Variants in BBX observed in about 807,000 individuals in gnomAD.
BBX encodes HMG box transcription factor BBX.
In BBX, 30 loss-of-function variants were observed where a neutral mutation model predicts 100.2. That is an observed-to-expected ratio of 0.30 (90% CI 0.22 to 0.41). The LOEUF is 0.41. Among genes scored for constraint, BBX ranks in the 10% least tolerant of loss-of-function variants. The pLI is 1.00. For synonymous variants in BBX, 376 were observed against 388.1 expected (o/e 0.97, Z 0.37); for missense variants, 1,023 against 1,129.8 (o/e 0.91, Z 1.35).
At chr3:107,670,107 A>G (rs1205748527) in intron 3 of BBX, among the ~76,000 whole-genome samples, 1 of 152,142 alleles carries the variant, frequency 6.6e-6, no homozygotes, top group East Asian at 1.9e-4. Flanking sequence ...ATTAGATTTA[A>G]CTATTTCTTA....
At position 107,795,519 on chromosome 3, in the gene BBX, C is replaced by A. The variant is rs79395584; in HGVS notation, c.2354-3004C>A. 5.3e-5 allele frequency among the ~76,000 whole-genome samples: 8 copies of A among 150,930 alleles called. No homozygotes were observed. In the East Asian group the frequency reaches 1.4e-3, roughly 26 times the overall value. The stretch of plus-strand genomic sequence containing the variant: ...AATGTGCATCATCTGCAGGGCCCAT[C>A]ATTGCATTTTGATGTAATAGTAGGT... On this transcript the variant is annotated intron_variant, in intron 15 of 17. Transcript: ENST00000325805.
intron 7 of BBX, among the ~76,000 whole-genome samples, chr3:107,737,999 G>A (rs1398429359): frequency 1.4e-5 from 2 of 138,804 alleles, no homozygotes; most frequent in Non-Finnish European, 1.5e-5. Flanking sequence ...TTTCCCTTTA[G>A]CATTATGTTG....
chr3:107,788,278 GAGAAGAGAAA>G (rs1022660251), intron 13 of BBX, among the ~76,000 whole-genome samples: 1 of 152,148 alleles, frequency 6.6e-6, no homozygotes, highest in African/African-American at 2.4e-5. Context: ...ATCAGTGATG[GAGAAGAGAAA>G]AGAAGAGAAG....
intron 3 of BBX, among the ~76,000 whole-genome samples, chr3:107,701,780 A>G (rs143805664): frequency 6.6e-6 from 1 of 151,562 alleles, no homozygotes; most frequent in Admixed American, 6.6e-5. Context: ...TAAAGGAAGC[A>G]AAATATGTTA....
intron 5 of BBX, among the ~76,000 whole-genome samples, chr3:107,727,398 A>G (rs929455348): frequency 1.3e-5 from 2 of 152,112 alleles, no homozygotes; most frequent in African/African-American, 2.4e-5. Flanking sequence ...TGTCTCTTGT[A>G]TCACAGTTGA....
At chr3:107,781,197 AGTC>A (rs967252145) in intron 13 of BBX, among the ~76,000 whole-genome samples, 1 of 152,008 alleles carries the variant, frequency 6.6e-6, no homozygotes, top group Non-Finnish European at 1.5e-5. Context: ...TTTTCCCAGT[AGTC>A]TCCATATTCG....
chr3:107,669,517 G>A lies in BBX; in HGVS notation c.-10+23608G>A, dbSNP rs188532115. Among the ~76,000 whole-genome samples the A allele has an allele frequency of 2.5e-4, 38 of 152,176 alleles. 1 individual carries two copies. The East Asian group carries it at 5.4e-3, about 22-fold the overall frequency. ...TACCAAACTAAGGAATTAAATTCTA[G>A]GAGTAGACCGTAAAGGGCCACTAAA... On this transcript the variant is annotated intron_variant, in intron 3 of 17. Coordinates refer to ENST00000325805, the MANE Select transcript of BBX (RefSeq NM_001142568.3).
intron 3 of BBX, among the ~76,000 whole-genome samples, chr3:107,666,647 C>T (rs1465740452): frequency 1.3e-5 from 2 of 152,160 alleles, no homozygotes; most frequent in East Asian, 3.9e-4. Flanking sequence ...CTCACTGCAA[C>T]CTCTGCCTCC....
At position 107,805,294 on chromosome 3, in the gene BBX, C is replaced by T. The variant is rs145779521; in HGVS notation, c.2739-76C>T. The T allele has an allele frequency of 1.7e-3, 2,395 of 1,423,202 alleles. 21 individuals carry two copies. Among genetic ancestry groups the T allele is most frequent in the East Asian group, 0.016 (686 of 43,334 alleles). 88.2% of individuals were successfully genotyped at this position (1,423,202 alleles called of 1,614,324 possible). On this transcript the variant is annotated intron_variant, in intron 17 of 17. Transcript: ENST00000325805. ...CTGTTAAACAAGATATTGGAACACA[C>T]TTGTTATTCATCGTCCTCTCCTGTC...
At chr3:107,592,017 T>G (rs1486947161) in intron 2 of BBX, among the ~76,000 whole-genome samples, 1 of 152,214 alleles carries the variant, frequency 6.6e-6, no homozygotes, top group Non-Finnish European at 1.5e-5. Context: ...TTGAATATTT[T>G]TGGCATTGTA....
At chr3:107,627,277 T>C (rs1172614007) in intron 2 of BBX, among the ~76,000 whole-genome samples, 1 of 152,204 alleles carries the variant, frequency 6.6e-6, no homozygotes, top group African/African-American at 2.4e-5. Context: ...GTGTGTTTCC[T>C]ATTGATGGTA....
At chr3:107,673,293 G>A (rs1350208848) in intron 3 of BBX, among the ~76,000 whole-genome samples, 4 of 152,058 alleles carry the variant, frequency 2.6e-5, no homozygotes, top group Admixed American at 6.6e-5. Flanking sequence ...TTTATGGGGT[G>A]TAATGACAAT....
chr3:107,752,261 A>T (rs879804941), intron 9 of BBX, among the ~76,000 whole-genome samples: 7 of 152,236 alleles, frequency 4.6e-5, no homozygotes, highest in Non-Finnish European at 8.8e-5. Flanking sequence ...CAATAGGTAC[A>T]AATTTAATGC....
chr3:107,605,610 C>G (rs781645294), intron 2 of BBX, among the ~76,000 whole-genome samples: 3 of 152,168 alleles, frequency 2.0e-5, no homozygotes, highest in Non-Finnish European at 2.9e-5. Flanking sequence ...CTACCACCCT[C>G]TCACCACCCA....
At chr3:107,530,911 A>C (rs985843710) in intron 2 of BBX, among the ~76,000 whole-genome samples, 1 of 152,204 alleles carries the variant, frequency 6.6e-6, no homozygotes, top group Admixed American at 6.5e-5. Context: ...AATTGATTTC[A>C]TGACTTATAG....
chr3:107,627,879 C>T (rs1224365135), intron 2 of BBX, among the ~76,000 whole-genome samples: 1 of 151,706 alleles, frequency 6.6e-6, no homozygotes, highest in Non-Finnish European at 1.5e-5. Flanking sequence ...AGAGTTGCTT[C>T]TTTTTTCTTA....
At chr3:107,567,932 G>A (rs931133789) in intron 2 of BBX, among the ~76,000 whole-genome samples, 5 of 151,468 alleles carry the variant, frequency 3.3e-5, no homozygotes, top group African/African-American at 1.2e-4. Context: ...ACAGTTATAG[G>A]TATTTGTAGC....
chr3:107,792,965 A>G (rs1275096859), intron 15 of BBX, among the ~76,000 whole-genome samples: 1 of 152,132 alleles, frequency 6.6e-6, no homozygotes, highest in Admixed American at 6.5e-5. Context: ...GAGTTAGGAA[A>G]TCTGGGTTCT....
chr3:107,535,021 C>G (rs568434101), intron 2 of BBX, among the ~76,000 whole-genome samples: 1 of 152,274 alleles, frequency 6.6e-6, no homozygotes, highest in East Asian at 1.9e-4. Flanking sequence ...CAACAACTTT[C>G]TGATGATAAA....
Sources: gnomAD v4.1 joint callset for allele counts (sites outside exome capture counted in the v4.1 genomes callset) on GRCh38, gnomAD v4.1.1 for gene constraint, MANE v1.5 for transcripts, NCBI Gene and HGNC (gene_info 2026-07-23, HGNC 2026-07-21) for gene names.